The following TMEM164 variants were observed in gnomAD, a reference collection of about 807,000 sequenced individuals.
TMEM164 encodes RP13-360B22.2.
TMEM164 carries 4 observed loss-of-function variants against 18.8 expected under a neutral mutation model. The observed-to-expected ratio is 0.21, with a 90% CI of 0.10 to 0.49. TMEM164 has a LOEUF of 0.49. TMEM164 is among the 20% of genes least tolerant of loss of function. TMEM164 has a pLI of 0.98. For synonymous variants in TMEM164, 86 were observed against 101.7 expected (o/e 0.85, Z 0.93); for missense variants, 108 against 239.9 (o/e 0.45, Z 3.63).
chrX:110,175,173 C>G lies in TMEM164; in HGVS notation c.*1722C>G, dbSNP rs1446886747. On this transcript the variant is annotated 3_prime_UTR_variant, in exon 7 of 7. Transcript: ENST00000372068. The stretch of plus-strand genomic sequence containing the variant: ...CAGGGCCAAACTTTTCTTAGTGCCT[C>G]TCACCTTAGGGTGGCCCTCCAGGGA... 2.7e-5 allele frequency: 3 copies of G among 112,935 alleles called. No individual in the cohort carries two copies. The highest frequency in any genetic ancestry group is 3.2e-5 in the African/African-American group (1 of 31,107). The allele number at this position is 112,935 out of a possible 1,213,427, so 9.3% of individuals were successfully genotyped here.
At chrX:110,131,432 G>A (rs766922834) in intron 4 of TMEM164, among the ~76,000 whole-genome samples, 1 of 111,710 alleles carries the variant, frequency 9.0e-6, no homozygotes, top group Admixed American at 9.5e-5. Context: ...AGAACTGGGA[G>A]TTTAGTACCT....
At chrX:110,080,835 C>T (rs1033404207) in intron 3 of TMEM164, among the ~76,000 whole-genome samples, 58 of 110,001 alleles carry the variant, frequency 5.3e-4, no homozygotes, top group African/African-American at 1.9e-3. Flanking sequence ...CCTTCCACAT[C>T]AGCCTCTCAA....
intron 3 of TMEM164, among the ~76,000 whole-genome samples, chrX:110,072,352 T>A (rs1290590341): frequency 2.7e-5 from 3 of 109,309 alleles, no homozygotes; most frequent in Non-Finnish European, 5.7e-5. Flanking sequence ...AGATAATCTG[T>A]GAAGCCATCT....
At chrX:110,092,623 G>A (rs2065948290) in intron 3 of TMEM164, among the ~76,000 whole-genome samples, 1 of 111,821 alleles carries the variant, frequency 8.9e-6, no homozygotes, top group African/African-American at 3.2e-5. Flanking sequence ...AGATGATGGG[G>A]TTTTCTAAAT....
intron 4 of TMEM164, among the ~76,000 whole-genome samples, chrX:110,120,164 G>T (rs1014919952): frequency 5.3e-5 from 6 of 112,290 alleles, no homozygotes; most frequent in African/African-American, 1.9e-4. Context: ...GGGAGTGGCA[G>T]CAGTGAGTGC....
downstream of TMEM164, among the ~76,000 whole-genome samples, chrX:110,184,206 T>A (rs2067333243): frequency 9.1e-6 from 1 of 109,349 alleles, no homozygotes; most frequent in Non-Finnish European, 1.9e-5. Context: ...AATTTTGCTG[T>A]GAACCTAAAA....
intron 3 of TMEM164, among the ~76,000 whole-genome samples, chrX:110,072,940 G>A (rs1427430136): frequency 1.8e-5 from 2 of 110,469 alleles, no homozygotes; most frequent in Non-Finnish European, 3.8e-5. Context: ...TGTCACTCAG[G>A]TAGTGATGAG....
intron 3 of TMEM164, among the ~76,000 whole-genome samples, chrX:110,091,237 T>C (rs1319857487): frequency 2.7e-5 from 3 of 112,628 alleles, no homozygotes; most frequent in African/African-American, 9.7e-5. Flanking sequence ...ATGGGATGAC[T>C]GGCTCAAATG....
At chrX:110,093,091 G>A (rs891825440) in intron 3 of TMEM164, among the ~76,000 whole-genome samples, 2 of 111,899 alleles carry the variant, frequency 1.8e-5, no homozygotes, top group African/African-American at 3.3e-5. Flanking sequence ...GCTTTTTGAT[G>A]TGTTGCTGGA....
At chrX:110,115,934 A>G (rs2066356180) in intron 4 of TMEM164, among the ~76,000 whole-genome samples, 1 of 110,804 alleles carries the variant, frequency 9.0e-6, no homozygotes, top group Admixed American at 9.6e-5. Flanking sequence ...ACAAAAAATA[A>G]AAAAATAGCT....
chrX:110,101,414 G>A (rs1349670829), intron 3 of TMEM164, among the ~76,000 whole-genome samples: 1 of 110,998 alleles, frequency 9.0e-6, no homozygotes, highest in African/African-American at 3.3e-5. Context: ...TGTGCATAGA[G>A]TTGGTTGGAG....
At chrX:110,035,990 C>T (rs1934780719) in intron 2 of TMEM164, among the ~76,000 whole-genome samples, 1 of 110,359 alleles carries the variant, frequency 9.1e-6, no homozygotes, top group South Asian at 3.8e-4. Context: ...ACAGAGAGAG[C>T]CTCTTCCAAC....
intron 3 of TMEM164, among the ~76,000 whole-genome samples, chrX:110,075,977 A>G (rs1205785955): frequency 1.6e-4 from 17 of 103,085 alleles, no homozygotes; most frequent in African/African-American, 5.3e-4. Context: ...GCTTTGTAGC[A>G]TGATTTAGGG....
intron 2 of TMEM164, among the ~76,000 whole-genome samples, chrX:110,024,092 G>C (rs1170862170): frequency 8.9e-6 from 1 of 112,329 alleles, no homozygotes; most frequent in Non-Finnish European, 1.9e-5. Context: ...AAAAATTGTA[G>C]AATTGGATGA....
Position 110,057,532 on chromosome X carries a change from G to A in TMEM164, c.391-9815G>A, listed in dbSNP as rs188699257. 4.0e-3 allele frequency among the ~76,000 whole-genome samples: 423 copies of A among 105,810 alleles called. 1 individual carries two copies. The highest frequency in any genetic ancestry group is 0.013 in the African/African-American group (390 of 29,105). The allele number at this position is 105,810 out of a possible 115,157, so 91.9% of individuals were successfully genotyped here. On this transcript the variant is annotated intron_variant, in intron 2 of 6. Coordinates refer to ENST00000372068, the MANE Select transcript of TMEM164 (RefSeq NM_032227.4). ...TAAGTATTCCAGAAGTGGGATTGCT[G>A]TGTCATAGAATAGGTCTTTTTTTTT...
Position 110,079,429 on chromosome X carries a change from G to A in TMEM164, c.440+12033G>A, listed in dbSNP as rs774316679. On this transcript the variant is annotated intron_variant, in intron 3 of 6. Coordinates refer to ENST00000372068, the MANE Select transcript of TMEM164 (RefSeq NM_032227.4). ...TGACCAGTCCACTTTTGCTTTGACC[G>A]GACCACTTTCATTGCTTGGTAGACA... Among the ~76,000 whole-genome samples, 4 of 111,971 alleles carry A rather than the reference G, an allele frequency of 3.6e-5. No individual in the cohort carries two copies. The East Asian group carries it at 8.4e-4, about 24-fold the overall frequency.
At position 110,176,788 on chromosome X, in the gene TMEM164, T is replaced by C. The variant is rs750267453; in HGVS notation, c.*3337T>C. ...TGCCAAAAAGACTTCCTTGGATTTG[T>C]AGATGTTGACCCAGAGTCCTCTGTC... On this transcript the variant is annotated 3_prime_UTR_variant, in exon 7 of 7. Coordinates refer to ENST00000372068, the MANE Select transcript of TMEM164 (RefSeq NM_032227.4). 4 of 111,980 alleles carry C rather than the reference T, an allele frequency of 3.6e-5. No homozygotes were observed. The Admixed American group carries it at 3.7e-4, about 10-fold the overall frequency. The allele number at this position is 111,980 out of a possible 1,213,427, so 9.2% of individuals were successfully genotyped here. A position where few individuals can be genotyped will look rare whatever the true frequency, so the allele number is the denominator to read the frequency against.
rs1270210349 is a variant in TMEM164, at chrX:110,125,476, TG to T, written c.507+16332del. The stretch of plus-strand genomic sequence containing the variant: ...TAGTTTTTTCCCCCTGCAGTTCCCC[TG>T]GAGGAGAGAGGAGAACTGGCTCGGG... On this transcript the variant is annotated intron_variant, in intron 4 of 6. Transcript: ENST00000372068. Among the ~76,000 whole-genome samples, 7 of 111,788 alleles carry T rather than the reference TG, an allele frequency of 6.3e-5. No homozygotes were observed. In the Admixed American group the frequency reaches 6.6e-4, roughly 11 times the overall value.
At chrX:110,148,498 ATTCTTT>A (rs1228142597) in intron 5 of TMEM164, among the ~76,000 whole-genome samples, 1 of 109,502 alleles carries the variant, frequency 9.1e-6, no homozygotes, top group African/African-American at 3.3e-5. Flanking sequence ...GTACCTGGAT[ATTCTTT>A]TTCTTTCTTT....
Sources: gnomAD v4.1 joint callset for allele counts (sites outside exome capture counted in the v4.1 genomes callset) on GRCh38, gnomAD v4.1.1 for gene constraint, MANE v1.5 for transcripts, NCBI Gene and HGNC (gene_info 2026-07-23, HGNC 2026-07-21) for gene names.